The following CBLB variants were observed in gnomAD, a reference collection of about 807,000 sequenced individuals.
The protein encoded by CBLB is E3 ubiquitin-protein ligase CBL-B.
Under a neutral mutation model 104.9 loss-of-function variants are expected in CBLB, and 31 were observed. The ratio of observed to expected loss-of-function variants is 0.30; its 90% confidence interval spans 0.22 to 0.40. The LOEUF (loss-of-function observed/expected upper bound fraction) is 0.40. Ranked by LOEUF, CBLB falls within the 10% of genes least tolerant of loss-of-function variation. The probability of loss-of-function intolerance (pLI) is 1.00; values close to 1 mark genes in which losing one functional copy is unlikely to be tolerated. For missense variants in CBLB, 1,062 were observed against 1,214.6 expected, an observed-to-expected ratio of 0.87 and a Z score of 1.87; for synonymous variants, 440 against 422.6, an observed-to-expected ratio of 1.04 and a Z score of -0.51.
intron 5 of CBLB, 101 bp from the exon 6 acceptor site, chr3:105,746,139 A>G (rs570125356): frequency 1.2e-6 from 1 of 838,636 alleles, no homozygotes; most frequent in East Asian, 2.7e-5. Flanking sequence ...TATCTTGGAT[A>G]TTTTAAAAGT....
At chr3:105,784,876 A>G (rs1231281546) in intron 3 of CBLB, among the ~76,000 whole-genome samples, 2 of 152,138 alleles carry the variant, frequency 1.3e-5, no homozygotes, top group Non-Finnish European at 2.9e-5. Context: ...TCCCCAAGCT[A>G]TCCAAATGGT....
intron 3 of CBLB, 114 bp from the exon 4 acceptor site, chr3:105,776,656 T>C: frequency 2.0e-6 from 2 of 990,930 alleles, no homozygotes; most frequent in Non-Finnish European, 3.1e-6. Flanking sequence ...AACGTATGTC[T>C]TGGTGGTTGA....
At chr3:105,777,966 C>T (rs933826432) in intron 3 of CBLB, among the ~76,000 whole-genome samples, 1 of 152,196 alleles carries the variant, frequency 6.6e-6, no homozygotes, top group Non-Finnish European at 1.5e-5. Context: ...TAAATAACTT[C>T]CCCAGTTTCA....
chr3:105,821,071 A>G (rs1248625693), intron 3 of CBLB, among the ~76,000 whole-genome samples: 1 of 152,214 alleles, frequency 6.6e-6, no homozygotes, highest in Non-Finnish European at 1.5e-5. Flanking sequence ...TTTTATACAA[A>G]TACAAAATAA....
At position 105,702,472 on chromosome 3, in the gene CBLB, A is replaced by AAC; in HGVS notation, c.1594-14_1594-13insGT. On this transcript the variant is annotated splice_polypyrimidine_tract_variant and intron_variant, in intron 11 of 18. Coordinates refer to ENST00000394030, the MANE Select transcript of CBLB (RefSeq NM_170662.5). ...TGCAAGGAGAAGACTAAAGAAACAGAAGAGAAAAAAAAAAAAAAAAAAAAA... is the reference window on the plus strand; with the variant it reads ...TGCAAGGAGAAGACTAAAGAAACAGAACAGAGAAAAAAAAAAAAAAAAAAAAA... The AAC allele has an allele frequency of 2.3e-6, 2 of 860,778 alleles. No individual in the cohort carries two copies. The highest frequency in any genetic ancestry group is 3.3e-6 in the Non-Finnish European group (2 of 597,066). The allele number at this position is 860,778 out of a possible 1,614,324, so 53.3% of individuals were successfully genotyped here. A position where few individuals can be genotyped will look rare whatever the true frequency, so the allele number is the denominator to read the frequency against.
chr3:105,716,918 A>G (rs1308145800), intron 10 of CBLB, among the ~76,000 whole-genome samples: 1 of 152,146 alleles, frequency 6.6e-6, no homozygotes, highest in Admixed American at 6.6e-5. Flanking sequence ...CTTGACAGAA[A>G]GCTCACCAGT....
At chr3:105,807,109 C>T (rs2083607752) in intron 3 of CBLB, among the ~76,000 whole-genome samples, 1 of 152,174 alleles carries the variant, frequency 6.6e-6, no homozygotes, top group South Asian at 2.1e-4. Flanking sequence ...ATCATACATA[C>T]ATCCAATAGA....
Position 105,657,073 on chromosome 3 carries a change from A to G in CBLB, c.*1897T>C, listed in dbSNP as rs1231123225. The G allele has an allele frequency of 4.4e-6, 1 of 226,978 alleles. No homozygotes were observed. The highest frequency in any genetic ancestry group is 2.2e-5 in the African/African-American group (1 of 45,014). The allele number at this position is 226,978 out of a possible 1,614,324, so 14.1% of individuals were successfully genotyped here. A position where few individuals can be genotyped will look rare whatever the true frequency, so the allele number is the denominator to read the frequency against. ...AACCAGCTCAGAACCATCTGAAAAA[A>G]TTCATACAAAAGCAGAAATTACCCA... On this transcript the variant is annotated 3_prime_UTR_variant, in exon 19 of 19. Coordinates refer to ENST00000394030, the MANE Select transcript of CBLB (RefSeq NM_170662.5).
intron 3 of CBLB, among the ~76,000 whole-genome samples, chr3:105,826,606 T>C (rs2086617738): frequency 6.6e-6 from 1 of 152,168 alleles, no homozygotes; most frequent in South Asian, 2.1e-4. Context: ...TTTCATCCTC[T>C]TGTACCATTC....
chr3:105,701,614 T>A (rs1408589258), intron 12 of CBLB, among the ~76,000 whole-genome samples: 1 of 151,884 alleles, frequency 6.6e-6, no homozygotes, highest in East Asian at 1.9e-4. Context: ...AATACAAAAA[T>A]TAGCTAGGCG....
chr3:105,817,296 G>A (rs2085198440), intron 3 of CBLB, among the ~76,000 whole-genome samples: 1 of 152,136 alleles, frequency 6.6e-6, no homozygotes, highest in African/African-American at 2.4e-5. Flanking sequence ...AGGGAAGGAT[G>A]AAATAACACA....
chr3:105,807,608 C>T (rs1577372166), intron 3 of CBLB, among the ~76,000 whole-genome samples: 1 of 151,720 alleles, frequency 6.6e-6, no homozygotes, highest in African/African-American at 2.4e-5. Context: ...TTTTTATATA[C>T]ATTTTATAAT....
At chr3:105,685,863 T>C (rs1203596230) in intron 13 of CBLB, among the ~76,000 whole-genome samples, 1 of 152,174 alleles carries the variant, frequency 6.6e-6, no homozygotes, top group East Asian at 1.9e-4. Context: ...AGCATGGTTG[T>C]TTTATATATT....
At chr3:105,821,922 C>G (rs2085914474) in intron 3 of CBLB, among the ~76,000 whole-genome samples, 1 of 152,032 alleles carries the variant, frequency 6.6e-6, no homozygotes, top group Non-Finnish European at 1.5e-5. Context: ...CTGTGTGTAT[C>G]TCTGCTTGCC....
In CBLB at chr3:105,720,115, G is replaced by C. The variant is rs2072564158; in HGVS notation, c.1339C>G (p.Leu447Val). The C allele has an allele frequency of 6.2e-7, 1 of 1,613,912 alleles. No homozygotes were observed. Among genetic ancestry groups the C allele is most frequent in the South Asian group, 1.1e-5 (1 of 91,086 alleles). The change falls in exon 10 of 19, where the codon CTA (leucine) becomes GTA (valine). Residue 447 changes from leucine (L) to valine (V), a missense_variant. Transcript: ENST00000394030. ...CGATCATCATCGTCGTCCAAGTCTA[G>C]CATCGGCATGCCAAAGGGGTCAATG... The part of the protein sequence containing the change: ...SIIDPFGMPM[L>V]DLDDDDDREE...
At chr3:105,702,486 A>AAC (rs758893697) in intron 11 of CBLB, 27 bp from the exon 12 acceptor site, 36 of 1,471,112 alleles carry the variant, frequency 2.4e-5, no homozygotes, top group African/African-American at 7.2e-5. Context: ...GAAAAAAAAA[A>AAC]AAAAAAAAAA....
At chr3:105,797,561 T>A (rs1246957928) in intron 3 of CBLB, among the ~76,000 whole-genome samples, 1 of 152,134 alleles carries the variant, frequency 6.6e-6, no homozygotes, top group Non-Finnish European at 1.5e-5. Context: ...TTTACCTGTA[T>A]AACAAACCTA....
At chr3:105,800,741 A>C (rs1345646976) in intron 3 of CBLB, among the ~76,000 whole-genome samples, 2 of 152,194 alleles carry the variant, frequency 1.3e-5, no homozygotes, top group Non-Finnish European at 2.9e-5. Flanking sequence ...ATAATTAAGG[A>C]ATAATGTCTC....
intron 3 of CBLB, among the ~76,000 whole-genome samples, chr3:105,810,408 A>G (rs2084118709): frequency 6.6e-6 from 1 of 152,128 alleles, no homozygotes; most frequent in Non-Finnish European, 1.5e-5. Flanking sequence ...TTTAATATTT[A>G]TTTTTATTTT....
Sources: allele counts gnomAD v4.1 joint callset (sites outside exome capture counted in the v4.1 genomes callset), GRCh38; gene constraint gnomAD v4.1.1; transcripts MANE v1.5; gene names NCBI Gene and HGNC (gene_info 2026-07-23, HGNC 2026-07-21).